Variants in GPC6 observed in about 807,000 individuals in gnomAD.
GPC6 encodes glypican-6.
Under a neutral mutation model 55.2 loss-of-function variants are expected in GPC6, and 14 were observed. The observed-to-expected ratio is 0.25, with a 90% CI of 0.17 to 0.40. GPC6 has a LOEUF of 0.40. GPC6 is among the 10% of genes least tolerant of loss of function. The probability of loss-of-function intolerance (pLI) is 1.00; values close to 1 mark genes in which losing one functional copy is unlikely to be tolerated. For synonymous variants in GPC6, 278 were observed against 259.6 expected, an observed-to-expected ratio of 1.07 and a Z score of -0.68; for missense variants, 641 against 708.5, an observed-to-expected ratio of 0.90 and a Z score of 1.08.
chr13:94,401,889 G>A (rs180934716), intron 8 of GPC6, among the ~76,000 whole-genome samples: 25 of 152,160 alleles, frequency 1.6e-4, no homozygotes, highest in African/African-American at 4.8e-4. Context: ...TTATGATGGC[G>A]CCACTACACT....
chr13:93,601,785 T>C (rs996471940), intron 2 of GPC6, among the ~76,000 whole-genome samples: 1 of 152,258 alleles, frequency 6.6e-6, no homozygotes, highest in African/African-American at 2.4e-5. Flanking sequence ...CTTCTCCTTT[T>C]GAGAGAGAAG....
chr13:94,290,543 T>C (rs184785672), intron 5 of GPC6, among the ~76,000 whole-genome samples: 1 of 152,296 alleles, frequency 6.6e-6, no homozygotes, highest in Non-Finnish European at 1.5e-5. Context: ...AATAAAATTG[T>C]ATATACATGT....
chr13:94,118,622 C>T (rs1322980800), intron 4 of GPC6, among the ~76,000 whole-genome samples: 3 of 152,038 alleles, frequency 2.0e-5, no homozygotes, highest in African/African-American at 7.2e-5. Flanking sequence ...TGTCTTGTGT[C>T]CCTGTTCAGG....
chr13:93,851,532 A>G (rs1045360395), intron 3 of GPC6, among the ~76,000 whole-genome samples: 1 of 151,882 alleles, frequency 6.6e-6, no homozygotes, highest in Admixed American at 6.6e-5. Context: ...GATTTGGCTC[A>G]CTGCAGTAGA....
At chr13:93,962,339 G>T (rs74687637) in intron 3 of GPC6, among the ~76,000 whole-genome samples, 1 of 151,986 alleles carries the variant, frequency 6.6e-6, no homozygotes, top group African/African-American at 2.4e-5. Context: ...AAGAATGGTC[G>T]CATGAAAGGA....
chr13:93,308,661 C>T (rs200084230), intron 1 of GPC6, among the ~76,000 whole-genome samples: 1 of 152,160 alleles, frequency 6.6e-6, no homozygotes, highest in Non-Finnish European at 1.5e-5. Context: ...AGGCTGGTCT[C>T]GAACTCCTGA....
At chr13:94,353,704 C>G (rs1878663052) in intron 6 of GPC6, among the ~76,000 whole-genome samples, 1 of 152,186 alleles carries the variant, frequency 6.6e-6, no homozygotes. Flanking sequence ...TTCTGGAAAG[C>G]TTCAATGCTG....
At chr13:94,283,092 C>G (rs1439327289) in intron 4 of GPC6, among the ~76,000 whole-genome samples, 1 of 152,172 alleles carries the variant, frequency 6.6e-6, no homozygotes, top group East Asian at 1.9e-4. Flanking sequence ...TAAAGTCATC[C>G]ATGTGTCTTT....
intron 1 of GPC6, among the ~76,000 whole-genome samples, chr13:93,277,774 A>G (rs1877807052): frequency 6.6e-6 from 1 of 152,194 alleles, no homozygotes; most frequent in African/African-American, 2.4e-5. Flanking sequence ...TAAGGGCAGG[A>G]ATCACATTTC....
chr13:93,795,790 T>A (rs1886179238), intron 2 of GPC6, among the ~76,000 whole-genome samples: 1 of 152,146 alleles, frequency 6.6e-6, no homozygotes, highest in African/African-American at 2.4e-5. Flanking sequence ...TCAATCACCA[T>A]CTCTGAACAC....
chr13:93,558,211 G>A (rs1875581281), intron 2 of GPC6, among the ~76,000 whole-genome samples: 1 of 152,120 alleles, frequency 6.6e-6, no homozygotes, highest in African/African-American at 2.4e-5. Flanking sequence ...TACATAAAAA[G>A]CCTAGCATAA....
At chr13:93,843,437 A>G (rs927630976) in intron 3 of GPC6, among the ~76,000 whole-genome samples, 1 of 152,180 alleles carries the variant, frequency 6.6e-6, no homozygotes, top group Non-Finnish European at 1.5e-5. Flanking sequence ...ATGGGTATAT[A>G]AAGGGGAGAT....
chr13:94,144,404 AACACAC>A (rs59772537), intron 4 of GPC6, among the ~76,000 whole-genome samples: 62,419 of 143,224 alleles, frequency 0.44, 14,057 homozygotes, highest in Non-Finnish European at 0.5. Flanking sequence ...GTGCTTTTAA[AACACAC>A]ACACACACAC....
intron 3 of GPC6, among the ~76,000 whole-genome samples, chr13:93,850,368 G>A (rs1888350874): frequency 6.6e-6 from 1 of 151,876 alleles, no homozygotes; most frequent in Admixed American, 6.6e-5. Flanking sequence ...AGGTATTCAT[G>A]AGTCATAATA....
At chr13:94,298,522 AT>A (rs148042265) in intron 5 of GPC6, among the ~76,000 whole-genome samples, 2,367 of 152,310 alleles carry the variant, frequency 0.016, 71 homozygotes, top group African/African-American at 0.055. Flanking sequence ...AGCAGTGGCC[AT>A]TGCCTGAGCT....
At chr13:93,445,306 T>C (rs1253662651) in intron 1 of GPC6, among the ~76,000 whole-genome samples, 2 of 152,192 alleles carry the variant, frequency 1.3e-5, no homozygotes, top group Non-Finnish European at 2.9e-5. Flanking sequence ...GTAACCTCAT[T>C]TTCTATAATG....
chr13:93,264,040 T>C (rs1355277548), intron 1 of GPC6, among the ~76,000 whole-genome samples: 2 of 152,082 alleles, frequency 1.3e-5, no homozygotes, highest in Non-Finnish European at 2.9e-5. Flanking sequence ...TCCTGGCCTA[T>C]CCCTGCTTGA....
intron 6 of GPC6, among the ~76,000 whole-genome samples, chr13:94,328,743 T>C (rs1328723362): frequency 6.6e-6 from 1 of 152,222 alleles, no homozygotes; most frequent in African/African-American, 2.4e-5. Context: ...GGGGGCTCAT[T>C]CCAGTCTGTT....
chr13:93,827,700 T>G (rs185087817), intron 2 of GPC6, among the ~76,000 whole-genome samples: 85 of 152,308 alleles, frequency 5.6e-4, no homozygotes, highest in African/African-American at 1.9e-3. Flanking sequence ...AAGCTTGGAA[T>G]CTAAGAAAAT....
Sources: allele counts gnomAD v4.1 joint callset (sites outside exome capture counted in the v4.1 genomes callset), GRCh38; gene constraint gnomAD v4.1.1; transcripts MANE v1.5; gene names NCBI Gene and HGNC (gene_info 2026-07-23, HGNC 2026-07-21).